LRRC4C: variants seen among roughly 807,000 people sequenced by gnomAD.
LRRC4C encodes leucine-rich repeat-containing protein 4C.
A neutral mutation model predicts 33.6 loss-of-function variants in LRRC4C; 5 were observed. The observed-to-expected ratio is 0.15, with a 90% CI of 0.08 to 0.31. The LOEUF is 0.31. LRRC4C is among the 10% of genes least tolerant of loss of function. The probability of loss-of-function intolerance (pLI) is 1.00; values close to 1 mark genes in which losing one functional copy is unlikely to be tolerated. For missense variants in LRRC4C, 560 were observed against 796.7 expected (o/e 0.70, Z 3.58); for synonymous variants, 329 against 302.0 (o/e 1.09, Z -0.93).
At chr11:40,468,941 A>G (rs1952787618) in intron 3 of LRRC4C, among the ~76,000 whole-genome samples, 2 of 152,246 alleles carry the variant, frequency 1.3e-5, no homozygotes, top group Non-Finnish European at 2.9e-5. Flanking sequence ...TCTGTCACAC[A>G]TTATTCTTAT....
chr11:41,174,747 T>G (rs1392692281), intron 1 of LRRC4C, among the ~76,000 whole-genome samples: 1 of 152,118 alleles, frequency 6.6e-6, no homozygotes, highest in East Asian at 1.9e-4. Context: ...GTTTATACCT[T>G]TGGCTCAGAA....
At chr11:40,837,900 A>G (rs1952747567) in intron 2 of LRRC4C, among the ~76,000 whole-genome samples, 2 of 152,026 alleles carry the variant, frequency 1.3e-5, no homozygotes, top group African/African-American at 2.4e-5. Flanking sequence ...ATATATATAT[A>G]TATACACACC....
chr11:40,345,050 T>A (rs1031251377), intron 3 of LRRC4C, among the ~76,000 whole-genome samples: 3 of 152,038 alleles, frequency 2.0e-5, no homozygotes, highest in Non-Finnish European at 4.4e-5. Context: ...GGAAGAAGAA[T>A]CAATATTGTC....
intron 3 of LRRC4C, among the ~76,000 whole-genome samples, chr11:40,614,262 G>A (rs1266839145): frequency 6.6e-6 from 1 of 151,812 alleles, no homozygotes; most frequent in East Asian, 1.9e-4. Flanking sequence ...GTTTTACCTA[G>A]ATCATCTGGA....
chr11:40,687,182 T>C (rs947609575), intron 2 of LRRC4C, among the ~76,000 whole-genome samples: 6 of 152,124 alleles, frequency 3.9e-5, no homozygotes, highest in Non-Finnish European at 7.4e-5. Flanking sequence ...GTAGGCTAGA[T>C]AATTTATATA....
At chr11:41,249,437 A>G (rs1358833353) in intron 1 of LRRC4C, among the ~76,000 whole-genome samples, 1 of 152,174 alleles carries the variant, frequency 6.6e-6, no homozygotes, top group Non-Finnish European at 1.5e-5. Flanking sequence ...TCACTCTTCT[A>G]AAACTTGAGT....
chr11:40,604,883 T>G (rs1043161571), intron 3 of LRRC4C, among the ~76,000 whole-genome samples: 3 of 152,002 alleles, frequency 2.0e-5, no homozygotes, highest in African/African-American at 7.2e-5. Context: ...GAGGTTAAAC[T>G]ATTGCCACAT....
At chr11:41,361,511 A>G (rs1027179754) in intron 1 of LRRC4C, among the ~76,000 whole-genome samples, 4 of 152,230 alleles carry the variant, frequency 2.6e-5, no homozygotes, top group African/African-American at 9.6e-5. Flanking sequence ...ATTTCCTTCT[A>G]AGCATTCTAT....
intron 3 of LRRC4C, among the ~76,000 whole-genome samples, chr11:40,388,926 G>A (rs1261792955): frequency 6.6e-6 from 1 of 152,134 alleles, no homozygotes; most frequent in Non-Finnish European, 1.5e-5. Flanking sequence ...GAGACCAAGA[G>A]TTCAATGTGT....
intron 4 of LRRC4C, among the ~76,000 whole-genome samples, chr11:40,297,802 C>T (rs1224698962): frequency 6.6e-6 from 1 of 152,076 alleles, no homozygotes; most frequent in African/African-American, 2.4e-5. Flanking sequence ...GAAGTAGGTG[C>T]CATTGATGAA....
chr11:40,549,370 C>G (rs1380236436), intron 3 of LRRC4C, among the ~76,000 whole-genome samples: 1 of 152,112 alleles, frequency 6.6e-6, no homozygotes, highest in Non-Finnish European at 1.5e-5. Flanking sequence ...CGAACACTTA[C>G]CTCTTCCCCT....
intron 2 of LRRC4C, among the ~76,000 whole-genome samples, chr11:40,665,362 A>ATATG (rs1943740176): frequency 7.2e-5 from 1 of 13,962 alleles, no homozygotes; most frequent in African/African-American, 2.1e-4. Flanking sequence ...ATATATATAT[A>ATATG]TGTATATATA....
chr11:40,333,936 G>T (rs1421138160), intron 3 of LRRC4C, among the ~76,000 whole-genome samples: 1 of 151,828 alleles, frequency 6.6e-6, no homozygotes, highest in Non-Finnish European at 1.5e-5. Context: ...AGGAAAGGAA[G>T]AGAAGAAATA....
intron 2 of LRRC4C, among the ~76,000 whole-genome samples, chr11:40,723,387 C>T (rs1252150418): frequency 1.3e-5 from 2 of 151,838 alleles, no homozygotes; most frequent in African/African-American, 4.8e-5. Flanking sequence ...TAAAGAAAAC[C>T]CCATCAGGCT....
At chr11:40,924,423 T>C (rs940743866) in intron 2 of LRRC4C, among the ~76,000 whole-genome samples, 3 of 146,594 alleles carry the variant, frequency 2.0e-5, no homozygotes, top group Non-Finnish European at 3.0e-5. Context: ...TAAAAAATAC[T>C]GTATGCCTTA....
intron 5 of LRRC4C, among the ~76,000 whole-genome samples, chr11:40,233,686 C>G (rs1443321412): frequency 1.3e-5 from 2 of 152,056 alleles, no homozygotes; most frequent in Non-Finnish European, 1.5e-5. Context: ...TGACAAGGAC[C>G]TTGAGTGAAC....
chr11:40,981,641 A>G (rs1852547821), intron 1 of LRRC4C, among the ~76,000 whole-genome samples: 1 of 152,180 alleles, frequency 6.6e-6, no homozygotes, highest in African/African-American at 2.4e-5. Context: ...GGGCTTTTAA[A>G]ATACCATCAT....
chr11:40,589,111 T>C (rs1958909365), intron 3 of LRRC4C, among the ~76,000 whole-genome samples: 1 of 152,172 alleles, frequency 6.6e-6, no homozygotes, highest in Non-Finnish European at 1.5e-5. Context: ...TGCGGGAGTC[T>C]AAGTCTCTTT....
chr11:40,427,263 GGA>G (rs1491566079), intron 3 of LRRC4C, among the ~76,000 whole-genome samples: 1 of 152,176 alleles, frequency 6.6e-6, no homozygotes, highest in African/African-American at 2.4e-5. Flanking sequence ...CAGCACTTTG[GGA>G]GGCTGAGGTG....
Sources: gnomAD v4.1 joint callset for allele counts (sites outside exome capture counted in the v4.1 genomes callset) on GRCh38, gnomAD v4.1.1 for gene constraint, MANE v1.5 for transcripts, NCBI Gene and HGNC (gene_info 2026-07-23, HGNC 2026-07-21) for gene names.